ARK2N: variants seen among roughly 807,000 people sequenced by gnomAD.
ARK2N encodes arkadia (RNF111) N-terminal like PKA signaling regulator 2N.
the ARK2N span, among the ~76,000 whole-genome samples, chr18:46,224,262 T>TTG: frequency 1.3e-5 from 2 of 152,272 alleles, no homozygotes; most frequent in Admixed American, 6.5e-5. Flanking sequence ...CTACATTTTT[T>TTG]TGTGTGTGTG....
chr18:46,227,277 A>G, the ARK2N span, among the ~76,000 whole-genome samples: 1 of 152,174 alleles, frequency 6.6e-6, no homozygotes, highest in Admixed American at 6.5e-5. Context: ...TAAACAATCA[A>G]GATCTTCGAT....
chr18:46,246,024 A>G, the ARK2N span, among the ~76,000 whole-genome samples: 1 of 152,234 alleles, frequency 6.6e-6, no homozygotes, highest in Non-Finnish European at 1.5e-5. Context: ...AGCTGTCACA[A>G]TAGCTAAATA....
chr18:46,260,894 T>G, the ARK2N span, among the ~76,000 whole-genome samples: 1 of 152,264 alleles, frequency 6.6e-6, no homozygotes, highest in Non-Finnish European at 1.5e-5. Flanking sequence ...AGGTTTTTTC[T>G]TCTGTATAAT....
chr18:46,206,546 T>G, the ARK2N span, among the ~76,000 whole-genome samples: 1 of 152,216 alleles, frequency 6.6e-6, no homozygotes, highest in Non-Finnish European at 1.5e-5. Flanking sequence ...TTACTGATAC[T>G]GTTTGATCTC....
chr18:46,225,608 G>A, the ARK2N span, among the ~76,000 whole-genome samples: 1 of 152,038 alleles, frequency 6.6e-6, no homozygotes, highest in Non-Finnish European at 1.5e-5. Flanking sequence ...CCAGGAGCCC[G>A]CCACCACGCC....
the ARK2N span, among the ~76,000 whole-genome samples, chr18:46,184,039 G>C: frequency 1.3e-5 from 2 of 151,856 alleles, no homozygotes; most frequent in Non-Finnish European, 1.5e-5. Flanking sequence ...CACCCGGGCT[G>C]GTGTGCAGTG....
At chr18:46,255,056 C>A in the ARK2N span, among the ~76,000 whole-genome samples, 12 of 152,242 alleles carry the variant, frequency 7.9e-5, no homozygotes, top group African/African-American at 2.9e-4. Context: ...TCTGATTTTA[C>A]TCTGGTTACC....
At chr18:46,233,948 AT>A in the ARK2N span, among the ~76,000 whole-genome samples, 1 of 152,042 alleles carries the variant, frequency 6.6e-6, no homozygotes, top group East Asian at 1.9e-4. Flanking sequence ...TACTGAAATA[AT>A]TTTCTGATGT....
the ARK2N span, among the ~76,000 whole-genome samples, chr18:46,190,242 G>C: frequency 3.3e-3 from 506 of 152,148 alleles, 3 homozygotes; most frequent in African/African-American, 0.012. Flanking sequence ...TTTTCAGGCC[G>C]GGCGTGGTGG....
chr18:46,260,619 T>G, the ARK2N span, among the ~76,000 whole-genome samples: 1 of 152,224 alleles, frequency 6.6e-6, no homozygotes, highest in African/African-American at 2.4e-5. Context: ...CAGCCATTCC[T>G]CAGTAGGAAA....
the ARK2N span, among the ~76,000 whole-genome samples, chr18:46,211,242 T>C: frequency 6.6e-6 from 1 of 152,182 alleles, no homozygotes; most frequent in Non-Finnish European, 1.5e-5. Flanking sequence ...AGGGTCTTGC[T>C]CTGTTATGCA....
chr18:46,244,356 C>A, the ARK2N span, among the ~76,000 whole-genome samples: 1 of 152,080 alleles, frequency 6.6e-6, no homozygotes, highest in Non-Finnish European at 1.5e-5. Context: ...TCTTTTCCAT[C>A]AGCCTTCTTG....
chr18:46,197,391 C>T, the ARK2N span, among the ~76,000 whole-genome samples: 1 of 152,060 alleles, frequency 6.6e-6, no homozygotes, highest in Non-Finnish European at 1.5e-5. Flanking sequence ...CCCACCACTA[C>T]GCCAGCTAAT....
At chr18:46,218,650 A>C in the ARK2N span, 2 of 152,216 alleles carry the variant, frequency 1.3e-5, no homozygotes, top group African/African-American at 4.8e-5. Flanking sequence ...AAATTGTGAC[A>C]TTGTGAATTT....
the ARK2N span, among the ~76,000 whole-genome samples, chr18:46,239,066 G>A: frequency 1.3e-5 from 2 of 152,124 alleles, no homozygotes; most frequent in Non-Finnish European, 2.9e-5. Context: ...AAAACTTTAT[G>A]TTTGCTTTTT....
the ARK2N span, among the ~76,000 whole-genome samples, chr18:46,192,336 G>A: frequency 6.6e-6 from 1 of 152,120 alleles, no homozygotes; most frequent in African/African-American, 2.4e-5. Context: ...CAATATGGGA[G>A]GCTAAGGTGG....
At chr18:46,208,784 A>G in the ARK2N span, among the ~76,000 whole-genome samples, 8 of 152,108 alleles carry the variant, frequency 5.3e-5, no homozygotes, top group South Asian at 6.2e-4. Context: ...TAAATCTTTT[A>G]TGTGTCCTTA....
At chr18:46,233,159 T>C in the ARK2N span, among the ~76,000 whole-genome samples, 1 of 152,172 alleles carries the variant, frequency 6.6e-6, no homozygotes, top group Non-Finnish European at 1.5e-5. Context: ...CAAGATTCTT[T>C]TTCTTTAAAC....
At chr18:46,208,264 C>T in the ARK2N span, among the ~76,000 whole-genome samples, 1 of 152,104 alleles carries the variant, frequency 6.6e-6, no homozygotes, top group Non-Finnish European at 1.5e-5. Context: ...AACTAATGAC[C>T]TTGCTTTATG....
Sources: gnomAD v4.1 joint callset for allele counts (sites outside exome capture counted in the v4.1 genomes callset) on GRCh38, gnomAD v4.1.1 for gene constraint, MANE v1.5 for transcripts, NCBI Gene and HGNC (gene_info 2026-07-23, HGNC 2026-07-21) for gene names.